Variants in CMSS1 observed in about 807,000 individuals in gnomAD.
The protein encoded by CMSS1 is protein CMSS1.
CMSS1 carries 33 observed loss-of-function variants against 43.5 expected under a neutral mutation model. The ratio of observed to expected loss-of-function variants is 0.76; its 90% CI spans 0.57 to 1.01. The LOEUF (loss-of-function observed/expected upper bound fraction) is 1.01. Among genes scored for constraint, CMSS1 ranks in the 50% least tolerant of loss-of-function variants. The probability of loss-of-function intolerance (pLI) is 0.00; values close to 1 mark genes in which losing one functional copy is unlikely to be tolerated. For missense variants in CMSS1, 313 were observed against 326.4 expected (o/e 0.96, Z 0.32); for synonymous variants, 115 against 117.2 (o/e 0.98, Z 0.12).
At chr3:100,152,105 CAGG>C (rs2066915638) in intron 2 of CMSS1, among the ~76,000 whole-genome samples, 1 of 152,140 alleles carries the variant, frequency 6.6e-6, no homozygotes, top group East Asian at 1.9e-4. Context: ...AAGCAAATAT[CAGG>C]AGTTTATTTA....
chr3:99,878,290 C>T (rs1576542135), intron 1 of CMSS1, among the ~76,000 whole-genome samples: 3 of 152,300 alleles, frequency 2.0e-5, no homozygotes, highest in East Asian at 3.9e-4. Flanking sequence ...ATACTTAGTG[C>T]TCTACAAGCA....
intron 1 of CMSS1, among the ~76,000 whole-genome samples, chr3:99,840,221 C>CT (rs10935982): frequency 0.65 from 66,751 of 102,186 alleles, 23,042 homozygotes; most frequent in East Asian, 0.76. Flanking sequence ...TTCGTAGAAT[C>CT]TTTTTTTTTT....
At chr3:100,042,577 A>T (rs905703042) in intron 1 of CMSS1, among the ~76,000 whole-genome samples, 2 of 152,364 alleles carry the variant, frequency 1.3e-5, no homozygotes, top group South Asian at 4.1e-4. Flanking sequence ...TAATCCATGT[A>T]TGGTTCAGAC....
chr3:99,964,137 T>G (rs1576605019), intron 1 of CMSS1, among the ~76,000 whole-genome samples: 1 of 152,172 alleles, frequency 6.6e-6, no homozygotes, highest in East Asian at 1.9e-4. Context: ...TAGACTTATA[T>G]GCTCAGTAGG....
chr3:100,026,925 T>A (rs1424096240), intron 1 of CMSS1, among the ~76,000 whole-genome samples: 1 of 151,912 alleles, frequency 6.6e-6, no homozygotes, highest in Non-Finnish European at 1.5e-5. Flanking sequence ...CAATAACCCA[T>A]AAGACTCTCC....
In CMSS1 at chr3:99,874,761, T is replaced by C. The variant is rs1163416673; in HGVS notation, c.64+56718T>C. ...CATTTTGAGTATTTTTTAAATGCTG[T>C]GTTTCAATGATAAAATCTGGGATCT... On this transcript the variant is annotated intron_variant, in intron 1 of 9. Transcript: ENST00000421999. Among the ~76,000 whole-genome samples the C allele has an allele frequency of 4.6e-5, 7 of 152,330 alleles. No individual in the cohort carries two copies. The East Asian group carries it at 1.4e-3, about 29-fold the overall frequency.
At chr3:100,169,089 G>A (rs928519904) in intron 6 of CMSS1, among the ~76,000 whole-genome samples, 1 of 152,090 alleles carries the variant, frequency 6.6e-6, no homozygotes, top group African/African-American at 2.4e-5. Context: ...AGTAGGGAAA[G>A]ACGGATTGTT....
intron 1 of CMSS1, among the ~76,000 whole-genome samples, chr3:100,125,236 A>G (rs2066654058): frequency 6.6e-6 from 1 of 152,216 alleles, no homozygotes; most frequent in South Asian, 2.1e-4. Flanking sequence ...TCATGACGGA[A>G]CATAACTCAA....
At chr3:100,122,434 C>A (rs1490403007) in intron 1 of CMSS1, among the ~76,000 whole-genome samples, 1 of 152,220 alleles carries the variant, frequency 6.6e-6, no homozygotes, top group Admixed American at 6.5e-5. Flanking sequence ...TAGTTTCCAA[C>A]AACTCCATGA....
intron 1 of CMSS1, among the ~76,000 whole-genome samples, chr3:99,858,261 C>G (rs188492503): frequency 1.5e-4 from 23 of 152,026 alleles, no homozygotes; most frequent in African/African-American, 4.8e-4. Flanking sequence ...GTGAGGAGAT[C>G]GAGACCATCC....
At chr3:99,818,991 G>A (rs1458006515) in intron 1 of CMSS1, among the ~76,000 whole-genome samples, 4 of 152,168 alleles carry the variant, frequency 2.6e-5, no homozygotes, top group African/African-American at 4.8e-5. Flanking sequence ...GAGAAGACAG[G>A]GCCAAAGTCA....
At chr3:100,076,828 A>G (rs975171732) in intron 1 of CMSS1, among the ~76,000 whole-genome samples, 2 of 152,206 alleles carry the variant, frequency 1.3e-5, no homozygotes, top group Admixed American at 1.3e-4. Context: ...CAGCCTGGGA[A>G]TTAGTCAGAC....
At chr3:100,027,269 A>T (rs1039473792) in intron 1 of CMSS1, among the ~76,000 whole-genome samples, 10 of 152,222 alleles carry the variant, frequency 6.6e-5, no homozygotes, top group African/African-American at 2.4e-4. Context: ...TAGGGACTTT[A>T]TATGATTTTG....
intron 1 of CMSS1, among the ~76,000 whole-genome samples, chr3:100,127,391 G>A (rs2066672126): frequency 6.6e-6 from 1 of 152,152 alleles, no homozygotes; most frequent in Non-Finnish European, 1.5e-5. Flanking sequence ...ACAGCACATA[G>A]AGACAATGTC....
intron 6 of CMSS1, among the ~76,000 whole-genome samples, chr3:100,168,915 A>G (rs2067087784): frequency 6.7e-6 from 1 of 148,472 alleles, no homozygotes; most frequent in African/African-American, 2.4e-5. Flanking sequence ...ACATATATAT[A>G]CACACACACA....
chr3:99,941,111 G>A (rs751143869), intron 1 of CMSS1, among the ~76,000 whole-genome samples: 3 of 152,142 alleles, frequency 2.0e-5, no homozygotes, highest in Non-Finnish European at 4.4e-5. Flanking sequence ...TCTCTTTTTA[G>A]GGGAAGAGAG....
intron 1 of CMSS1, among the ~76,000 whole-genome samples, chr3:100,033,528 A>G (rs2065055115): frequency 6.6e-6 from 1 of 152,216 alleles, no homozygotes; most frequent in Non-Finnish European, 1.5e-5. Flanking sequence ...GGATTCTTAA[A>G]GTTGGACTCT....
At chr3:100,014,790 G>T (rs1710270803) in intron 1 of CMSS1, among the ~76,000 whole-genome samples, 1 of 142,336 alleles carries the variant, frequency 7.0e-6, no homozygotes, top group Non-Finnish European at 1.5e-5. Context: ...TCCATAGGTT[G>T]CATCTTCATT....
At chr3:100,011,491 TC>T (rs1270729205) in intron 1 of CMSS1, among the ~76,000 whole-genome samples, 1 of 152,196 alleles carries the variant, frequency 6.6e-6, no homozygotes, top group Non-Finnish European at 1.5e-5. Flanking sequence ...GACTCCATTT[TC>T]TCTTCCTTCC....
Sources: gnomAD v4.1 joint callset for allele counts (sites outside exome capture counted in the v4.1 genomes callset) on GRCh38, gnomAD v4.1.1 for gene constraint, MANE v1.5 for transcripts, NCBI Gene and HGNC (gene_info 2026-07-23, HGNC 2026-07-21) for gene names.